STX2: variants seen among roughly 807,000 people sequenced by gnomAD.
STX2 encodes the protein syntaxin-2.
A neutral mutation model predicts 40.6 loss-of-function variants in STX2; 27 were observed. The observed-to-expected ratio is 0.66, with a 90% CI of 0.49 to 0.92. The LOEUF (loss-of-function observed/expected upper bound fraction) is 0.92. Among genes scored for constraint, STX2 ranks in the 40% least tolerant of loss-of-function variants. The pLI, the probability that STX2 is intolerant of heterozygous loss-of-function variation, is 0.00. For missense variants in STX2, 328 were observed against 366.1 expected (o/e 0.90, Z 0.85); for synonymous variants, 123 against 119.1 (o/e 1.03, Z -0.22).
chr12:130,794,151 A>T (rs1393388853), intron 10 of STX2, among the ~76,000 whole-genome samples: 2 of 140,338 alleles, frequency 1.4e-5, no homozygotes, highest in Non-Finnish European at 3.2e-5. Context: ...TATTATAGCT[A>T]CTAGGAAAAA....
At chr12:130,830,658 A>T (rs747346723) in intron 1 of STX2, among the ~76,000 whole-genome samples, 2 of 152,200 alleles carry the variant, frequency 1.3e-5, no homozygotes, top group Non-Finnish European at 2.9e-5. Context: ...CAGACCCAAT[A>T]ATACTGTCTT....
intron 1 of STX2, among the ~76,000 whole-genome samples, chr12:130,833,224 TA>T (rs1952637298): frequency 6.6e-6 from 1 of 151,304 alleles, no homozygotes. Context: ...AGTGGGAAAG[TA>T]CACACAAATG....
At position 130,807,100 on chromosome 12, in the gene STX2, C is replaced by A; in HGVS notation, c.355-10G>T. 6.2e-7 allele frequency: 1 copy of A among 1,613,430 alleles called. No individual in the cohort carries two copies. The highest frequency in any genetic ancestry group is 2.2e-5 in the East Asian group (1 of 44,872). On this transcript the variant is annotated splice_polypyrimidine_tract_variant and intron_variant, in intron 5 of 10. Transcript: ENST00000392373. ...GAGACAGCACCGAATGCTAACAACA[C>A]AGGAAAACTACATTCGTATCTGAGG...
At chr12:130,809,217 C>T (rs1260413152) in intron 4 of STX2, among the ~76,000 whole-genome samples, 1 of 152,122 alleles carries the variant, frequency 6.6e-6, no homozygotes, top group Non-Finnish European at 1.5e-5. Context: ...TATATACATA[C>T]ACACATATAT....
chr12:130,822,530 T>C (rs751858887), intron 2 of STX2, among the ~76,000 whole-genome samples: 18 of 152,016 alleles, frequency 1.2e-4, no homozygotes, highest in Non-Finnish European at 2.5e-4. Context: ...TTAAATTCAA[T>C]ATTTGTTTCA....
At chr12:130,827,798 T>G (rs1445921265) in intron 1 of STX2, among the ~76,000 whole-genome samples, 1 of 152,092 alleles carries the variant, frequency 6.6e-6, no homozygotes, top group Non-Finnish European at 1.5e-5. Flanking sequence ...CCCAGCTACT[T>G]AGGAGGCTGA....
chr12:130,809,623 C>G (rs962900290), intron 4 of STX2, among the ~76,000 whole-genome samples: 4 of 152,098 alleles, frequency 2.6e-5, no homozygotes, highest in Non-Finnish European at 5.9e-5. Flanking sequence ...TCGAGACCAG[C>G]GTGGCCAACA....
intron 1 of STX2, among the ~76,000 whole-genome samples, chr12:130,830,880 A>C (rs1952533615): frequency 6.6e-6 from 1 of 152,240 alleles, no homozygotes; most frequent in South Asian, 2.1e-4. Flanking sequence ...ACTAAAAGCC[A>C]GGGAATACTC....
intron 2 of STX2, among the ~76,000 whole-genome samples, chr12:130,822,149 G>A (rs1952140176): frequency 6.6e-6 from 1 of 152,156 alleles, no homozygotes; most frequent in Admixed American, 6.5e-5. Context: ...AGGCACAGTG[G>A]CTCACACCTG....
Position 130,839,109 on chromosome 12 carries a change from C to G in STX2, c.-10G>C. 1 of 1,270,262 alleles carries G rather than the reference C, an allele frequency of 7.9e-7. No homozygotes were observed. Among genetic ancestry groups the G allele is most frequent in the Non-Finnish European group, 9.9e-7 (1 of 1,007,612 alleles). 78.7% of individuals were successfully genotyped at this position (1,270,262 alleles called of 1,614,324 possible). A position where few individuals can be genotyped will look rare whatever the true frequency, so the allele number is the denominator to read the frequency against. ...GCAGCCGGTCCCGCATCCCCGCCGG[C>G]CGGGCAGCGCGCCCCGCCGCTCAAG... is the stretch of plus-strand genomic sequence containing the variant. On this transcript the variant is annotated 5_prime_UTR_variant, in exon 1 of 11. Transcript: ENST00000392373.
intron 10 of STX2, among the ~76,000 whole-genome samples, chr12:130,795,235 C>CTGA (rs1950992744): frequency 6.6e-6 from 1 of 152,168 alleles, no homozygotes; most frequent in Non-Finnish European, 1.5e-5. Context: ...ATGTTCCTTT[C>CTGA]AGTCAATGTT....
intron 10 of STX2, among the ~76,000 whole-genome samples, chr12:130,792,930 G>T (rs545213586): frequency 6.6e-6 from 1 of 152,166 alleles, no homozygotes; most frequent in Non-Finnish European, 1.5e-5. Context: ...ACCACCTTTG[G>T]CTTAATAAAT....
At position 130,812,230 on chromosome 12, in the gene STX2, T is replaced by C. The variant is rs1208475887; in HGVS notation, c.280+727A>G. The C allele has an allele frequency of 6.7e-5, 24 of 359,334 alleles. No homozygotes were observed. The Admixed American group carries it at 9.3e-4, about 14-fold the overall frequency. 22.3% of individuals were successfully genotyped at this position (359,334 alleles called of 1,614,324 possible). A position where few individuals can be genotyped will look rare whatever the true frequency, so the allele number is the denominator to read the frequency against. On this transcript the variant is annotated intron_variant, in intron 4 of 10. Coordinates refer to ENST00000392373, the MANE Select transcript of STX2 (RefSeq NM_194356.4). The stretch of plus-strand genomic sequence containing the variant: ...AATTCTGCCTGGATATTCTGTACTA[T>C]TAAGTAATTATAATGAATTTGGGTT...
At chr12:130,795,075 T>G (rs1275409577) in intron 10 of STX2, among the ~76,000 whole-genome samples, 2 of 152,214 alleles carry the variant, frequency 1.3e-5, no homozygotes, top group Non-Finnish European at 2.9e-5. Flanking sequence ...CACTCACACC[T>G]TGATTCTTTA....
At chr12:130,803,884 C>T (rs934173770) in intron 6 of STX2, among the ~76,000 whole-genome samples, 4 of 152,044 alleles carry the variant, frequency 2.6e-5, no homozygotes, top group African/African-American at 7.2e-5. Context: ...ATTCAATGAG[C>T]GGCAAAATCT....
intron 3 of STX2, among the ~76,000 whole-genome samples, chr12:130,818,182 AAAAATATATATATATATATAT>A (rs1951941687): frequency 2.7e-5 from 1 of 37,364 alleles, no homozygotes; most frequent in African/African-American, 7.6e-5. Flanking sequence ...AAAAAAAAAA[AAAAATATATATATATATATAT>A]ATATATATAT....
At chr12:130,835,345 C>T (rs1368857635) in intron 1 of STX2, among the ~76,000 whole-genome samples, 1 of 152,016 alleles carries the variant, frequency 6.6e-6, no homozygotes, top group African/African-American at 2.4e-5. Context: ...TGAAAAATAA[C>T]GTTCTCATTT....
At chr12:130,807,373 A>T (rs1951475493) in intron 5 of STX2, among the ~76,000 whole-genome samples, 1 of 152,160 alleles carries the variant, frequency 6.6e-6, no homozygotes, top group African/African-American at 2.4e-5. Flanking sequence ...TCTGATAAAC[A>T]CAGATCAGCA....
At chr12:130,832,022 A>AT (rs541706214) in intron 1 of STX2, among the ~76,000 whole-genome samples, 1 of 151,696 alleles carries the variant, frequency 6.6e-6, no homozygotes, top group Non-Finnish European at 1.5e-5. Context: ...AGGCACACAT[A>AT]TTTTTTTAGA....
Sources: gnomAD v4.1 joint callset for allele counts (sites outside exome capture counted in the v4.1 genomes callset) on GRCh38, gnomAD v4.1.1 for gene constraint, MANE v1.5 for transcripts, NCBI Gene and HGNC (gene_info 2026-07-23, HGNC 2026-07-21) for gene names.